The following PTPRN2 variants were observed in gnomAD, a reference collection of about 807,000 sequenced individuals.
PTPRN2 encodes receptor-type tyrosine-protein phosphatase N2.
In PTPRN2, 74 loss-of-function variants were observed where a neutral mutation model predicts 118.8. The ratio of observed to expected loss-of-function variants is 0.62; its 90% CI spans 0.52 to 0.76. The LOEUF (loss-of-function observed/expected upper bound fraction) is 0.76, where lower values mean the gene tolerates loss of function less well. Among genes scored for constraint, PTPRN2 ranks in the 30% least tolerant of loss-of-function variants. PTPRN2 has a pLI of 0.00. For missense variants in PTPRN2, 1,481 were observed against 1,394.4 expected (o/e 1.06, Z -0.99); for synonymous variants, 641 against 608.0 (o/e 1.05, Z -0.80).
In PTPRN2 at chr7:158,489,856, T is replaced by C. The variant is rs1378272914; in HGVS notation, c.113-71A>G. On this transcript the variant is annotated intron_variant, in intron 1 of 22. Coordinates refer to ENST00000389418, the MANE Select transcript of PTPRN2 (RefSeq NM_002847.5). ...GGGGGTGCCCCCGAGGCTGCCTTCC[T>C]GGCCCCCTGGTGAATTTCAGAGAAA... The C allele has an allele frequency of 2.1e-6, 3 of 1,401,100 alleles. No individual in the cohort carries two copies. The African/African-American group carries it at 4.3e-5, about 20-fold the overall frequency. 86.8% of individuals were successfully genotyped at this position (1,401,100 alleles called of 1,614,324 possible).
intron 2 of PTPRN2, among the ~76,000 whole-genome samples, chr7:158,341,568 C>T (rs10273071): frequency 2.5e-5 from 3 of 118,820 alleles, no homozygotes; most frequent in African/African-American, 3.1e-5. Flanking sequence ...CTCACACCCA[C>T]ACTCTCACCA....
chr7:158,044,930 A>T lies in PTPRN2; in HGVS notation c.1723+36368T>A, dbSNP rs1029207638. On this transcript the variant is annotated intron_variant, in intron 11 of 22. Transcript: ENST00000389418. ...AGACAGGAAAAATTATAAACAGTGA[A>T]GGGCAGCCCCAAACAATAACAACAA... Among the ~76,000 whole-genome samples, 11 of 152,326 alleles carry T rather than the reference A, an allele frequency of 7.2e-5. No individual in the cohort carries two copies. The East Asian group carries it at 2.1e-3, about 29-fold the overall frequency.
intron 11 of PTPRN2, among the ~76,000 whole-genome samples, chr7:158,074,851 T>C (rs1812223269): frequency 6.6e-6 from 1 of 152,216 alleles, no homozygotes. Context: ...GCTGCTCCCA[T>C]GAGTGGTATG....
chr7:158,055,940 C>T (rs571705389), intron 11 of PTPRN2, among the ~76,000 whole-genome samples: 1 of 152,190 alleles, frequency 6.6e-6, no homozygotes, highest in African/African-American at 2.4e-5. Flanking sequence ...AACCCACTGA[C>T]CCTGTGGGGC....
chr7:158,073,655 T>C (rs1812117515), intron 11 of PTPRN2, among the ~76,000 whole-genome samples: 1 of 150,432 alleles, frequency 6.6e-6, no homozygotes, highest in South Asian at 2.1e-4. Context: ...TACTAAGGTA[T>C]AAAGACACTA....
chr7:158,497,782 A>G (rs967953838), intron 1 of PTPRN2, among the ~76,000 whole-genome samples: 1 of 152,214 alleles, frequency 6.6e-6, no homozygotes, highest in African/African-American at 2.4e-5. Context: ...TCCTGCAGGC[A>G]TGAGGGCCTG....
chr7:158,365,685 C>T (rs4909200), intron 2 of PTPRN2, among the ~76,000 whole-genome samples: 5 of 143,078 alleles, frequency 3.5e-5, no homozygotes, highest in South Asian at 2.2e-4. Flanking sequence ...TGGGAGAAGC[C>T]GCAGCCCAAT....
chr7:157,738,579 G>A (rs190735556), intron 12 of PTPRN2, among the ~76,000 whole-genome samples: 2 of 152,308 alleles, frequency 1.3e-5, no homozygotes, highest in East Asian at 1.9e-4. Flanking sequence ...CTGAGCTGAC[G>A]CTTAGGACAA....
chr7:158,026,063 G>A (rs1346066474), intron 11 of PTPRN2, among the ~76,000 whole-genome samples: 1 of 152,228 alleles, frequency 6.6e-6, no homozygotes, highest in Non-Finnish European at 1.5e-5. Flanking sequence ...TGCCAAGCAC[G>A]GCCCATGCCG....
At chr7:157,836,422 G>A (rs957622451) in intron 12 of PTPRN2, among the ~76,000 whole-genome samples, 1 of 152,198 alleles carries the variant, frequency 6.6e-6, no homozygotes, top group Non-Finnish European at 1.5e-5. Context: ...TAGATTGAAT[G>A]TATGCCCAAG....
intron 1 of PTPRN2, among the ~76,000 whole-genome samples, chr7:158,495,884 A>T: frequency 6.6e-6 from 1 of 152,052 alleles, no homozygotes; most frequent in East Asian, 1.9e-4. Flanking sequence ...GAAAGCTGTG[A>T]TTGCAATTTC....
At chr7:158,341,737 G>C (rs1262874818) in intron 2 of PTPRN2, among the ~76,000 whole-genome samples, 1 of 145,414 alleles carries the variant, frequency 6.9e-6, no homozygotes, top group Non-Finnish European at 1.5e-5. Context: ...GCCCGCAGAC[G>C]TCACTCACAC....
At position 158,481,730 on chromosome 7, in the gene PTPRN2, G is replaced by T. The variant is rs150519167; in HGVS notation, c.163+8005C>A. On this transcript the variant is annotated intron_variant, in intron 2 of 22. Coordinates refer to ENST00000389418, the MANE Select transcript of PTPRN2 (RefSeq NM_002847.5). The stretch of plus-strand genomic sequence containing the variant: ...ACCTGCGTCGGCCTCCCAAAGTGCT[G>T]GGATTACAGACATGAGCCACTGCAC... 4.7e-3 allele frequency among the ~76,000 whole-genome samples: 720 copies of T among 152,296 alleles called. 6 individuals are homozygous for T. Among genetic ancestry groups the T allele is most frequent in the African/African-American group, 0.016 (677 of 41,554 alleles).
chr7:157,656,455 C>G lies in PTPRN2; in HGVS notation c.2098G>C (p.Gly700Arg), dbSNP rs756749450. Residue 700 changes from glycine (G) to arginine (R), a missense_variant, in exon 14 of 23, where the codon GGG becomes CGG. By Grantham distance (125) the Gly-to-Arg change is moderately radical (BLOSUM62 -2). Coordinates refer to ENST00000389418, the MANE Select transcript of PTPRN2 (RefSeq NM_002847.5). ...ISSVSSQFSD[G>R]PIPSPSARSS... The stretch of plus-strand genomic sequence containing the variant: ...CGTGCGGAGGGGCTGGGGATCGGCC[C>G]GTCGCTGAACTGGGATGAGACGCTG... The G allele has an allele frequency of 1.1e-4, 172 of 1,553,872 alleles. No individual in the cohort carries two copies. Among genetic ancestry groups the G allele is most frequent in the Middle Eastern group, 1.7e-4 (1 of 5,962 alleles).
chr7:158,044,650 G>A (rs1808711082), intron 11 of PTPRN2, among the ~76,000 whole-genome samples: 2 of 152,030 alleles, frequency 1.3e-5, no homozygotes, highest in Admixed American at 6.6e-5. Context: ...AGGCCACAGG[G>A]GACAAGGAGA....
chr7:157,933,230 T>C (rs1468863565), intron 11 of PTPRN2, among the ~76,000 whole-genome samples: 4 of 125,362 alleles, frequency 3.2e-5, no homozygotes, highest in African/African-American at 9.0e-5. Flanking sequence ...GTCACTCTGA[T>C]TGACAGTTTT....
intron 2 of PTPRN2, among the ~76,000 whole-genome samples, chr7:158,448,708 C>A (rs1417099733): frequency 6.6e-6 from 1 of 152,212 alleles, no homozygotes; most frequent in African/African-American, 2.4e-5. Flanking sequence ...GGGCAGGCCC[C>A]AGTGAGAGTT....
intron 11 of PTPRN2, among the ~76,000 whole-genome samples, chr7:157,956,550 C>A (rs1232046495): frequency 6.6e-6 from 1 of 152,250 alleles, no homozygotes; most frequent in Non-Finnish European, 1.5e-5. Flanking sequence ...TTGGGTCTAC[C>A]AGTTGCTATT....
At position 158,254,132 on chromosome 7, in the gene PTPRN2, G is replaced by A. The variant is rs1446678573; in HGVS notation, c.278-48859C>T. 1.6e-4 allele frequency among the ~76,000 whole-genome samples: 4 copies of A among 24,518 alleles called. 2 individuals carry two copies. The highest frequency in any genetic ancestry group is 2.6e-4 in the Non-Finnish European group (4 of 15,138). 16.1% of individuals were successfully genotyped at this position (24,518 alleles called of 152,430 possible). A position where few individuals can be genotyped will look rare whatever the true frequency, so the allele number is the denominator to read the frequency against. ...AGAGCCACTGCCCACGGCATGACCC[G>A]CCCTCCATCTCCACGTTCAGGAGCA... is the stretch of plus-strand genomic sequence containing the variant. On this transcript the variant is annotated intron_variant, in intron 3 of 22. Transcript: ENST00000389418.
Sources: gnomAD v4.1 joint callset for allele counts (sites outside exome capture counted in the v4.1 genomes callset) on GRCh38, gnomAD v4.1.1 for gene constraint, MANE v1.5 for transcripts, NCBI Gene and HGNC (gene_info 2026-07-23, HGNC 2026-07-21) for gene names.